Variants in DDX24 observed in about 807,000 individuals in gnomAD.
DDX24 encodes the protein DEAD-box helicase 24, also known as ATP-dependent RNA helicase DDX24.
In DDX24, 24 loss-of-function variants were observed where a neutral mutation model predicts 68.9. The ratio of observed to expected loss-of-function variants is 0.35; its 90% CI spans 0.25 to 0.49. The LOEUF is 0.49. Among genes scored for constraint, DDX24 ranks in the 20% least tolerant of loss-of-function variants. The pLI, the probability that DDX24 is intolerant of heterozygous loss-of-function variation, is 0.99. For missense variants in DDX24, 989 were observed against 1,039.0 expected (o/e 0.95, Z 0.66); for synonymous variants, 395 against 385.2 (o/e 1.03, Z -0.30).
chr14:94,048,998 T>G lies in DDX24; in HGVS notation c.*2193A>C, dbSNP rs766392220. The G allele has an allele frequency of 6.6e-6, 1 of 152,280 alleles. No homozygotes were observed. The highest frequency in any genetic ancestry group is 1.5e-5 in the Non-Finnish European group (1 of 68,064). 9.4% of individuals were successfully genotyped at this position (152,280 alleles called of 1,614,324 possible). A position where few individuals can be genotyped will look rare whatever the true frequency, so the allele number is the denominator to read the frequency against. On this transcript the variant is annotated 3_prime_UTR_variant, in exon 9 of 9. Coordinates refer to ENST00000621632, the MANE Select transcript of DDX24 (RefSeq NM_020414.4). ...AGCCAAGAACTCTGCTTTTCCGTGGTGCTTATGTATTAAGTAGATTAGCTG... is the reference window on the plus strand; with the variant it reads ...AGCCAAGAACTCTGCTTTTCCGTGGGGCTTATGTATTAAGTAGATTAGCTG...
intron 3 of DDX24, among the ~76,000 whole-genome samples, chr14:94,061,420 A>G (rs1392066547): frequency 1.3e-5 from 2 of 152,074 alleles, no homozygotes; most frequent in Non-Finnish European, 2.9e-5. Context: ...GCTGTGCTAC[A>G]CCTCTCCTAG....
intron 8 of DDX24, among the ~76,000 whole-genome samples, chr14:94,052,200 T>C (rs1354300912): frequency 6.6e-6 from 1 of 152,240 alleles, no homozygotes; most frequent in Non-Finnish European, 1.5e-5. Flanking sequence ...GCTGCATACT[T>C]GGTGGTGTGG....
chr14:94,064,611 G>T (rs1025477476), intron 2 of DDX24, among the ~76,000 whole-genome samples: 6 of 152,164 alleles, frequency 3.9e-5, no homozygotes, highest in Non-Finnish European at 7.3e-5. Flanking sequence ...TTCCAGGGTG[G>T]TGTACCCAGG....
Position 94,062,377 on chromosome 14 carries a change from A to G in DDX24, c.963T>C (p.Thr321=), listed in dbSNP as rs762073046. 8.1e-6 allele frequency: 13 copies of G among 1,614,116 alleles called. No individual in the cohort carries two copies. In the East Asian group the frequency reaches 2.0e-4, roughly 25 times the overall value. ...SDIAAEARAK[T]GGTVSDQALL... is the part of the protein sequence containing the mutation. ...ACGCCTGGTCTGAGACAGTGCCTCCAGTCTTGGCTCTGGCCTCGGCTGCAA... is the reference window on the plus strand; with the variant it reads ...ACGCCTGGTCTGAGACAGTGCCTCCGGTCTTGGCTCTGGCCTCGGCTGCAA... Residue 321 remains threonine, a synonymous_variant, in exon 3 of 9, where the codon ACT becomes ACC. Transcript: ENST00000621632.
chr14:94,065,055 T>TA (rs1439216985), intron 2 of DDX24, among the ~76,000 whole-genome samples: 1 of 35,776 alleles, frequency 2.8e-5, no homozygotes, highest in East Asian at 6.8e-4. Flanking sequence ...GTAGAAAATC[T>TA]TTTTTTTTTT....
Position 94,079,193 on chromosome 14 carries a change from C to G in DDX24, c.550G>C (p.Val184Leu), listed in dbSNP as rs1257903495. ...GACACATCTGCTTTCTGATCATGAA[C>G]TTCAGGAATCCATGTCTTCGCTTTT... ...PKKAKTWIPE[V>L]HDQKADVSAW... Residue 184 changes from valine (V) to leucine (L), a missense_variant, in exon 2 of 9, where the codon GTT becomes CTT. By Grantham distance (32) the Val-to-Leu change is conservative. Around this residue, in one of 3 missense-constraint regions of DDX24, gnomAD observed 295 missense variants for 263.0 expected, o/e 1.12. Transcript: ENST00000621632. The G allele has an allele frequency of 6.2e-7, 1 of 1,614,134 alleles. No individual in the cohort carries two copies. Among genetic ancestry groups the G allele is most frequent in the African/African-American group, 1.3e-5 (1 of 74,952 alleles).
chr14:94,058,884 AGAG>A (rs1193984342), intron 5 of DDX24, among the ~76,000 whole-genome samples: 25 of 152,218 alleles, frequency 1.6e-4, no homozygotes, highest in African/African-American at 5.5e-4. Context: ...CTGCCGCAAA[AGAG>A]GATATTGACA....
chr14:94,073,051 G>A (rs538961595), intron 2 of DDX24, among the ~76,000 whole-genome samples: 8 of 149,620 alleles, frequency 5.3e-5, no homozygotes, highest in South Asian at 2.1e-4. Flanking sequence ...ATCATTAAAC[G>A]TAAATAATCT....
rs188131351 is a variant in DDX24, at chr14:94,068,743, T to A, written c.719-6122A>T. The stretch of plus-strand genomic sequence containing the variant: ...ACCATGCAAATACATGAAAATTAAA[T>A]AACCTGCTCCTGAATGAGCATTGGG... On this transcript the variant is annotated intron_variant, in intron 2 of 8. Transcript: ENST00000621632. 2.0e-3 allele frequency among the ~76,000 whole-genome samples: 301 copies of A among 152,264 alleles called. 2 individuals are homozygous for A. The highest frequency in any genetic ancestry group is 0.017 in the Middle Eastern group (5 of 294).
chr14:94,073,177 C>T (rs543410333), intron 2 of DDX24, among the ~76,000 whole-genome samples: 1 of 151,590 alleles, frequency 6.6e-6, no homozygotes, highest in East Asian at 1.9e-4. Flanking sequence ...CCTCCGCCCC[C>T]TGGGTTCAAG....
intron 7 of DDX24, chr14:94,053,358 C>CTTTTTTT (rs1160011824): frequency 2.4e-5 from 3 of 124,778 alleles, no homozygotes; most frequent in Non-Finnish European, 4.1e-5. Context: ...TAGGTAATTT[C>CTTTTTTT]TTTTTTTTTT....
intron 7 of DDX24, among the ~76,000 whole-genome samples, chr14:94,053,619 A>G (rs922625636): frequency 2.6e-5 from 4 of 151,860 alleles, no homozygotes; most frequent in African/African-American, 4.8e-5. Flanking sequence ...GTTCAAGACC[A>G]GCCTGACCAA....
chr14:94,080,715 A>AAC (rs1167598203), intron 1 of DDX24, among the ~76,000 whole-genome samples: 168 of 143,714 alleles, frequency 1.2e-3, no homozygotes, highest in African/African-American at 4.8e-3. Flanking sequence ...AAAAACAAAC[A>AAC]AAAAAAAACA....
intron 8 of DDX24, 127 bp from the exon 9 acceptor site, chr14:94,051,589 T>A: frequency 7.6e-7 from 1 of 1,311,436 alleles, no homozygotes; most frequent in Non-Finnish European, 1.0e-6. Flanking sequence ...AAAAGTTCTC[T>A]GAAGAAGCTA....
intron 2 of DDX24, among the ~76,000 whole-genome samples, chr14:94,068,457 A>C (rs1885752910): frequency 6.6e-6 from 1 of 152,264 alleles, no homozygotes; most frequent in Admixed American, 6.5e-5. Flanking sequence ...CAGATCATCA[A>C]GACAGAAAGT....
intron 3 of DDX24, among the ~76,000 whole-genome samples, chr14:94,061,851 A>G (rs969168013): frequency 6.6e-6 from 1 of 152,196 alleles, no homozygotes; most frequent in African/African-American, 2.4e-5. Context: ...ACAGTTTGCT[A>G]ATCCCTGCCC....
intron 2 of DDX24, among the ~76,000 whole-genome samples, chr14:94,066,777 G>C (rs1173183573): frequency 1.3e-5 from 2 of 152,266 alleles, no homozygotes; most frequent in Non-Finnish European, 1.5e-5. Flanking sequence ...CACATCCATA[G>C]GAAAAGGGGG....
chr14:94,079,550 G>A lies in DDX24; in HGVS notation c.193C>T (p.Pro65Ser). 2 of 1,614,124 alleles carry A rather than the reference G, an allele frequency of 1.2e-6. No homozygotes were observed. The highest frequency in any genetic ancestry group is 1.7e-6 in the Non-Finnish European group (2 of 1,180,026). Reference sequence around the variant, plus strand: ...GCTTCCTTTGAGAAGAGACTGGAGGGATTCTTGGCAGGGGAGACCAACTGG... The same window carrying A: ...GCTTCCTTTGAGAAGAGACTGGAGGAATTCTTGGCAGGGGAGACCAACTGG... ...DYQLVSPAKNPSSLFSKEAPK... is the reference protein window; with the variant it reads ...DYQLVSPAKNSSSLFSKEAPK... The change falls in exon 2 of 9, where the codon CCC becomes TCC. Residue 65 changes from proline to serine, a missense_variant. By Grantham distance (74) the Pro-to-Ser change is moderately conservative. Coordinates refer to ENST00000621632, the MANE Select transcript of DDX24 (RefSeq NM_020414.4).
At position 94,064,665 on chromosome 14, in the gene DDX24, C is replaced by T. The variant is rs990898907; in HGVS notation, c.719-2044G>A. 2.6e-5 allele frequency among the ~76,000 whole-genome samples: 4 copies of T among 152,320 alleles called. No homozygotes were observed. In the South Asian group the frequency reaches 6.2e-4, roughly 24 times the overall value. The stretch of plus-strand genomic sequence containing the variant: ...CCCTACCTCTCCTGACTTCCAACCC[C>T]GCCCCATACCTTGCCCTAGTCATCT... On this transcript the variant is annotated intron_variant, in intron 2 of 8. Transcript: ENST00000621632.
Sources: allele counts gnomAD v4.1 joint callset (sites outside exome capture counted in the v4.1 genomes callset), GRCh38; gene constraint gnomAD v4.1.1; regional missense constraint gnomAD v4.1.1; transcripts MANE v1.5; gene names NCBI Gene and HGNC (gene_info 2026-07-23, HGNC 2026-07-21).